TATDN3: variants seen among roughly 807,000 people sequenced by gnomAD.
The protein encoded by TATDN3 is deoxyribonuclease TATDN3.
Under a neutral mutation model 40.1 loss-of-function variants are expected in TATDN3, and 29 were observed. The ratio of observed to expected loss-of-function variants is 0.72; its 90% CI spans 0.54 to 0.99. The LOEUF is 0.99. Ranked by LOEUF, TATDN3 falls within the 50% of genes least tolerant of loss-of-function variation. The pLI, the probability that TATDN3 is intolerant of heterozygous loss-of-function variation, is 0.00. For synonymous variants in TATDN3, 105 were observed against 117.0 expected, an observed-to-expected ratio of 0.90 and a Z score of 0.66; for missense variants, 309 against 321.9, an observed-to-expected ratio of 0.96 and a Z score of 0.31.
intron 4 of TATDN3, among the ~76,000 whole-genome samples, chr1:212,800,586 A>G (rs1007885437): frequency 6.6e-6 from 1 of 152,142 alleles, no homozygotes; most frequent in Non-Finnish European, 1.5e-5. Context: ...AACATTTTCT[A>G]TAATAAAAAA....
chr1:212,796,766 C>G lies in TATDN3; in HGVS notation c.173+176C>G, dbSNP rs531823371. The G allele has an allele frequency of 3.1e-5, 16 of 508,272 alleles. No homozygotes were observed. The Admixed American group carries it at 5.0e-4, about 16-fold the overall frequency. 31.5% of individuals were successfully genotyped at this position (508,272 alleles called of 1,614,324 possible). On this transcript the variant is annotated intron_variant, in intron 3 of 9. Transcript: ENST00000366974. Reference sequence around the variant, plus strand: ...TTTTTTTTTCTTTGAGAGATGGAGTCTTGCTCTGTCACCCAAGCTGGAGTG... The same window carrying G: ...TTTTTTTTTCTTTGAGAGATGGAGTGTTGCTCTGTCACCCAAGCTGGAGTG...
chr1:212,796,513 T>A lies in TATDN3; in HGVS notation c.100-4T>A. ...TGTAACTTTATTCTTTTTTTTTTTT[T>A]CAGGCCAATGTTGTGGCCCTTGTGG... On this transcript the variant is annotated splice_polypyrimidine_tract_variant and splice_region_variant and intron_variant, in intron 2 of 9. Transcript: ENST00000366974. 1.3e-6 allele frequency: 2 copies of A among 1,524,166 alleles called. No homozygotes were observed. The highest frequency in any genetic ancestry group is 1.7e-6 in the Non-Finnish European group (2 of 1,144,682). The allele number at this position is 1,524,166 out of a possible 1,614,324, so 94.4% of individuals were successfully genotyped here.
chr1:212,799,322 C>G (rs935206172), intron 4 of TATDN3, among the ~76,000 whole-genome samples: 1 of 152,014 alleles, frequency 6.6e-6, no homozygotes, highest in East Asian at 1.9e-4. Context: ...AGAAAAAAAA[C>G]CCCTTGGCTA....
chr1:212,808,712 C>T (rs1371974683), intron 8 of TATDN3, among the ~76,000 whole-genome samples: 1 of 152,204 alleles, frequency 6.6e-6, no homozygotes, highest in Non-Finnish European at 1.5e-5. Flanking sequence ...CATAAAAAGA[C>T]GCTCAACCTC....
At chr1:212,808,787 T>G (rs1662691117) in intron 8 of TATDN3, among the ~76,000 whole-genome samples, 1 of 152,202 alleles carries the variant, frequency 6.6e-6, no homozygotes, top group African/African-American at 2.4e-5. Flanking sequence ...CCACTAAGTT[T>G]GGAGTTCCTT....
At chr1:212,812,573 A>AATTT (rs1437756708) in intron 9 of TATDN3, among the ~76,000 whole-genome samples, 1 of 152,230 alleles carries the variant, frequency 6.6e-6, no homozygotes, top group Non-Finnish European at 1.5e-5. Context: ...GTGTAGTAAA[A>AATTT]AGCACAGTGT....
chr1:212,802,120 A>G (rs1405142619), intron 4 of TATDN3, among the ~76,000 whole-genome samples: 2 of 152,224 alleles, frequency 1.3e-5, no homozygotes, highest in East Asian at 3.8e-4. Flanking sequence ...GGAAAAGGTA[A>G]TATCATTGAA....
intron 1 of TATDN3, among the ~76,000 whole-genome samples, chr1:212,793,899 C>T (rs1232841800): frequency 6.6e-6 from 1 of 152,092 alleles, no homozygotes; most frequent in African/African-American, 2.4e-5. Context: ...ATGTTTGGGG[C>T]ATATTGGGAA....
chr1:212,804,599 T>C lies in TATDN3; in HGVS notation c.435T>C (p.Asn145=). The change falls in exon 7 of 10, where the codon AAT becomes AAC. Residue 145 remains asparagine, a synonymous_variant. Coordinates refer to ENST00000366974, the MANE Select transcript of TATDN3 (RefSeq NM_001042552.3). Reference sequence around the variant, plus strand: ...AAATGTTGTTATCGTTAAACAGAAATGTGCACTCACGCTCTGCTGGAAGAC... The same window carrying C: ...AAATGTTGTTATCGTTAAACAGAAACGTGCACTCACGCTCTGCTGGAAGAC... ...QLAKRLNLPV[N]VHSRSAGRPT... 7 of 1,613,302 alleles carry C rather than the reference T, an allele frequency of 4.3e-6. No homozygotes were observed. The highest frequency in any genetic ancestry group is 5.9e-6 in the Non-Finnish European group (7 of 1,179,726).
Position 212,802,732 on chromosome 1 carries a change from A to G in TATDN3, c.290A>G (p.Asn97Ser), listed in dbSNP as rs778894572. 2 of 1,613,474 alleles carry G rather than the reference A, an allele frequency of 1.2e-6. No homozygotes were observed. Among genetic ancestry groups the G allele is most frequent in the South Asian group, 2.2e-5 (2 of 91,064 alleles). The stretch of plus-strand genomic sequence containing the variant: ...GATGTAGCTTTGCCCATTATTGAGA[A>G]TTATAAGGATCGGTTGTTGGCAATT... Reference protein sequence around the residue: ...DLDVALPIIENYKDRLLAIGE... With the variant: ...DLDVALPIIESYKDRLLAIGE... The change falls in exon 5 of 10, where the codon AAT (asparagine) becomes AGT (serine). Residue 97 changes from asparagine to serine, a missense_variant. Asn to Ser is a conservative substitution (Grantham distance 46). Transcript: ENST00000366974.
chr1:212,809,661 GGTGACAGAGCGAGACTCC>G (rs1419416205), intron 8 of TATDN3, among the ~76,000 whole-genome samples: 1 of 151,670 alleles, frequency 6.6e-6, no homozygotes, highest in Non-Finnish European at 1.5e-5. Context: ...CTCCAGCCTG[GGTGACAGAGCGAGACTCC>G]GTCTCAAAAA....
At position 212,791,996 on chromosome 1, in the gene TATDN3, G is replaced by A. The variant is rs1401648169; in HGVS notation, c.66+9G>A. The A allele has an allele frequency of 2.5e-6, 4 of 1,613,752 alleles. No individual in the cohort carries two copies. The highest frequency in any genetic ancestry group is 2.7e-5 in the African/African-American group (2 of 74,920). ...CCCCGGACTTTGACCGCGTATGTGA[G>A]GGCGATACGGGACCAGAGGGAGCAG... is the stretch of plus-strand genomic sequence containing the variant. On this transcript the variant is annotated intron_variant, in intron 1 of 9. Transcript: ENST00000366974.
intron 5 of TATDN3, 34 bp downstream of exon 5, chr1:212,802,797 A>G (rs1373767654): frequency 7.1e-7 from 1 of 1,401,336 alleles, no homozygotes; most frequent in African/African-American, 1.4e-5. Flanking sequence ...ACAGCTTCTA[A>G]TTCAGACTTC....
At chr1:212,810,775 G>A (rs893012016) in intron 8 of TATDN3, among the ~76,000 whole-genome samples, 1 of 152,142 alleles carries the variant, frequency 6.6e-6, no homozygotes, top group Admixed American at 6.6e-5. Context: ...TGTGATGAGG[G>A]TGGAGAAACA....
intron 8 of TATDN3, among the ~76,000 whole-genome samples, chr1:212,810,811 C>T (rs151179490): frequency 2.0e-5 from 3 of 152,198 alleles, no homozygotes; most frequent in East Asian, 3.9e-4. Flanking sequence ...TTGTCAATGT[C>T]GGCACATGAT....
Position 212,802,686 on chromosome 1 carries a change from C to G in TATDN3, c.259-15C>G, listed in dbSNP as rs752352931. On this transcript the variant is annotated splice_polypyrimidine_tract_variant and intron_variant, in intron 4 of 9. Coordinates refer to ENST00000366974, the MANE Select transcript of TATDN3 (RefSeq NM_001042552.3). ...CCTTTCTTCCATTTTAACAATTTTA[C>G]TTTTTTTCTCCCAGGATTTGGATGT... 6.3e-7 allele frequency: 1 copy of G among 1,597,334 alleles called. No individual in the cohort carries two copies. Among genetic ancestry groups the G allele is most frequent in the South Asian group, 1.1e-5 (1 of 90,752 alleles).
In TATDN3 at chr1:212,797,161, C is replaced by T. The variant is rs1228329772; in HGVS notation, c.223C>T (p.Leu75Phe). Reference protein sequence around the residue: ...PCLGVHPVQGLPPEDQRSVTL... With the variant: ...PCLGVHPVQGFPPEDQRSVTL... ...CTTGGGTGTTCATCCAGTTCAAGGA[C>T]TTCCACCAGAAGACCAAAGAAGTGT... The change falls in exon 4 of 10, where the codon CTT (leucine) becomes TTT (phenylalanine). Residue 75 changes from leucine (L) to phenylalanine (F), a missense_variant. Transcript: ENST00000366974. The T allele has an allele frequency of 4.3e-6, 7 of 1,614,142 alleles. No homozygotes were observed. Among genetic ancestry groups the T allele is most frequent in the Middle Eastern group, 1.6e-4 (1 of 6,062 alleles).
intron 5 of TATDN3, among the ~76,000 whole-genome samples, chr1:212,804,031 G>A (rs556035784): frequency 6.5e-4 from 98 of 151,626 alleles, no homozygotes; most frequent in Non-Finnish European, 1.1e-3. Flanking sequence ...GCCACACTCC[G>A]TCTCAACAAA....
chr1:212,815,054 T>C lies in TATDN3; in HGVS notation c.723T>C (p.Tyr241=). Residue 241 remains tyrosine, a synonymous_variant, in exon 10 of 10, where the codon TAT becomes TAC. Transcript: ENST00000366974. ...EPWNISISAE[Y]IAQVKGISVE... ...GGAACATTTCTATTTCAGCAGAATATATTGCCCAGGTGAAAGGGATCTCAG... is the reference window on the plus strand; with the variant it reads ...GGAACATTTCTATTTCAGCAGAATACATTGCCCAGGTGAAAGGGATCTCAG... 6.2e-7 allele frequency: 1 copy of C among 1,614,098 alleles called. No homozygotes were observed. Among genetic ancestry groups the C allele is most frequent in the East Asian group, 2.2e-5 (1 of 44,874 alleles).
Sources: allele counts gnomAD v4.1 joint callset (sites outside exome capture counted in the v4.1 genomes callset), GRCh38; gene constraint gnomAD v4.1.1; transcripts MANE v1.5; gene names NCBI Gene and HGNC (gene_info 2026-07-23, HGNC 2026-07-21).